Variants in UHRF2 observed in about 807,000 individuals in gnomAD.
The protein encoded by UHRF2 is E3 ubiquitin-protein ligase UHRF2.
Under a neutral mutation model 96.8 loss-of-function variants are expected in UHRF2, and 23 were observed. That is an observed-to-expected ratio of 0.24 (90% CI 0.17 to 0.34). UHRF2 has a LOEUF of 0.34. UHRF2 is among the 10% of genes least tolerant of loss of function. The probability of loss-of-function intolerance (pLI) is 1.00; values close to 1 mark genes in which losing one functional copy is unlikely to be tolerated. For missense variants in UHRF2, 685 were observed against 981.5 expected, an observed-to-expected ratio of 0.70 and a Z score of 4.04; for synonymous variants, 385 against 332.6, an observed-to-expected ratio of 1.16 and a Z score of -1.72.
At chr9:6,438,734 T>C (rs1820994591) in intron 3 of UHRF2, among the ~76,000 whole-genome samples, 1 of 152,200 alleles carries the variant, frequency 6.6e-6, no homozygotes, top group South Asian at 2.1e-4. Context: ...TTTATAGTAA[T>C]CTACGTATCT....
chr9:6,462,851 A>G (rs1410978060), intron 4 of UHRF2, among the ~76,000 whole-genome samples: 1 of 152,156 alleles, frequency 6.6e-6, no homozygotes, highest in Non-Finnish European at 1.5e-5. Context: ...CACGAGGCAG[A>G]GGTTGCAGTA....
chr9:6,488,281 A>T lies in UHRF2; in HGVS notation c.1497+1356A>T, dbSNP rs1329437598. Among the ~76,000 whole-genome samples the T allele has an allele frequency of 7.9e-4, 83 of 104,804 alleles. 4 individuals carry two copies. Among genetic ancestry groups the T allele is most frequent in the Non-Finnish European group, 1.2e-3 (65 of 56,430 alleles). 68.8% of individuals were successfully genotyped at this position (104,804 alleles called of 152,430 possible). A position where few individuals can be genotyped will look rare whatever the true frequency, so the allele number is the denominator to read the frequency against. Reference sequence around the variant, plus strand: ...AAAAAAAAAAAAAAAAAAAAAAAAAAAAAAAAAAAAAAAAAAAAAAAAAAA... The same window carrying T: ...AAAAAAAAAAAAAAAAAAAAAAAAATAAAAAAAAAAAAAAAAAAAAAAAAA... On this transcript the variant is annotated intron_variant, in intron 9 of 15. Coordinates refer to ENST00000276893, the MANE Select transcript of UHRF2 (RefSeq NM_152896.3).
intron 3 of UHRF2, among the ~76,000 whole-genome samples, chr9:6,446,747 A>T (rs900309616): frequency 7.9e-5 from 12 of 151,976 alleles, no homozygotes; most frequent in African/African-American, 2.9e-4. Flanking sequence ...TGGGAGACTG[A>T]GGCAGGAGAA....
intron 4 of UHRF2, among the ~76,000 whole-genome samples, chr9:6,473,063 G>T (rs768726301): frequency 6.6e-6 from 1 of 152,104 alleles, no homozygotes; most frequent in East Asian, 1.9e-4. Context: ...CTATGGTCTC[G>T]AAATACCTTT....
At position 6,413,653 on chromosome 9, in the gene UHRF2, G is replaced by A. The variant is rs1432079473; in HGVS notation, c.153+10G>A. ...CTACCGGGGCAAGCAGGTGAGGCGC[G>A]CCCGCCGCGCCCCTAGCGAGGCTGG... On this transcript the variant is annotated intron_variant, in intron 1 of 15. Coordinates refer to ENST00000276893, the MANE Select transcript of UHRF2 (RefSeq NM_152896.3). The A allele has an allele frequency of 5.8e-6, 9 of 1,547,834 alleles. No individual in the cohort carries two copies. The highest frequency in any genetic ancestry group is 7.8e-6 in the Non-Finnish European group (9 of 1,151,750).
At chr9:6,478,044 T>C (rs1225375431) in intron 6 of UHRF2, among the ~76,000 whole-genome samples, 1 of 152,198 alleles carries the variant, frequency 6.6e-6, no homozygotes, top group African/African-American at 2.4e-5. Flanking sequence ...TCTGTGTTCA[T>C]TCAAAAATGC....
chr9:6,485,803 C>CAA (rs57868028), intron 8 of UHRF2, among the ~76,000 whole-genome samples: 883 of 58,862 alleles, frequency 0.015, 2 homozygotes, highest in African/African-American at 0.019. Context: ...TGTCTCTACC[C>CAA]AAAAAAAAAA....
chr9:6,470,676 G>C (rs1228973859), intron 4 of UHRF2, among the ~76,000 whole-genome samples: 1 of 152,190 alleles, frequency 6.6e-6, no homozygotes, highest in Admixed American at 6.5e-5. Context: ...AGAAGATGGG[G>C]TTGGTAAATG....
At chr9:6,497,067 A>G (rs1237402214) in intron 10 of UHRF2, 131 bp from the exon 11 acceptor site, 1 of 846,520 alleles carries the variant, frequency 1.2e-6, no homozygotes, top group Non-Finnish European at 1.8e-6. Context: ...TATTATCTGG[A>G]ATAATATGGA....
intron 5 of UHRF2, 29 bp from the exon 6 acceptor site, chr9:6,477,593 T>C (rs1453472904): frequency 3.8e-6 from 6 of 1,562,306 alleles, no homozygotes; most frequent in Non-Finnish European, 5.2e-6. Flanking sequence ...GTTTTAAGAC[T>C]AGACTTGCTA....
chr9:6,502,168 T>G (rs534990045), intron 14 of UHRF2, among the ~76,000 whole-genome samples: 2 of 152,364 alleles, frequency 1.3e-5, no homozygotes, highest in East Asian at 3.9e-4. Flanking sequence ...TATATATTTA[T>G]GTCCAAACTC....
chr9:6,476,087 C>G (rs988056148), intron 5 of UHRF2, among the ~76,000 whole-genome samples: 20 of 152,160 alleles, frequency 1.3e-4, no homozygotes, highest in African/African-American at 4.3e-4. Flanking sequence ...TCCACCTGCA[C>G]AAGATCAATT....
At chr9:6,477,134 G>A (rs1423417016) in intron 5 of UHRF2, among the ~76,000 whole-genome samples, 1 of 152,070 alleles carries the variant, frequency 6.6e-6, no homozygotes, top group Non-Finnish European at 1.5e-5. Context: ...TCCGGAGGCT[G>A]AGGCAGGAGA....
At chr9:6,441,894 A>G (rs1821186000) in intron 3 of UHRF2, among the ~76,000 whole-genome samples, 1 of 152,158 alleles carries the variant, frequency 6.6e-6, no homozygotes, top group Admixed American at 6.5e-5. Flanking sequence ...TTTCATAGAA[A>G]TTAATGTCCA....
At chr9:6,461,430 C>T (rs978233010) in intron 4 of UHRF2, among the ~76,000 whole-genome samples, 11 of 140,472 alleles carry the variant, frequency 7.8e-5, no homozygotes, top group Non-Finnish European at 1.2e-4. Context: ...TGGAGTGCAG[C>T]GGCATGATCT....
intron 3 of UHRF2, among the ~76,000 whole-genome samples, chr9:6,441,921 A>C (rs780516452): frequency 1.4e-4 from 21 of 151,924 alleles, no homozygotes; most frequent in Admixed American, 1.2e-3. Flanking sequence ...ATTTATGGGG[A>C]AATTTGTCTG....
chr9:6,488,443 A>G (rs1824446031), intron 9 of UHRF2, among the ~76,000 whole-genome samples: 1 of 149,792 alleles, frequency 6.7e-6, no homozygotes, highest in African/African-American at 2.5e-5. Context: ...CACAGTTTCC[A>G]TTATTGTGTT....
Position 6,477,754 on chromosome 9 carries a change from A to T in UHRF2, c.1106A>T (p.Tyr369Phe), listed in dbSNP as rs773132991. ...CTGTGTGATGAATGTAATGTGGCTT[A>T]TCATATTTACTGTCTGAATCCACCT... ...QLLCDECNVA[Y>F]HIYCLNPPLD... is the part of the protein sequence containing the mutation. The change falls in exon 6 of 16, where the codon TAT becomes TTT. Residue 369 changes from tyrosine to phenylalanine, a missense_variant. Tyr to Phe is a conservative substitution (Grantham distance 22). Around this residue, in one of 6 missense-constraint regions of UHRF2, gnomAD observed 391 missense variants for 437.0 expected, o/e 0.89. Coordinates refer to ENST00000276893, the MANE Select transcript of UHRF2 (RefSeq NM_152896.3). 5.0e-6 allele frequency: 8 copies of T among 1,613,856 alleles called. No individual in the cohort carries two copies. The Admixed American group carries it at 1.3e-4, about 27-fold the overall frequency.
intron 3 of UHRF2, among the ~76,000 whole-genome samples, chr9:6,435,772 T>C (rs1272472549): frequency 1.3e-5 from 2 of 152,070 alleles, no homozygotes; most frequent in Non-Finnish European, 2.9e-5. Flanking sequence ...CACACCAGGC[T>C]AATTCTTCTA....
Sources: gnomAD v4.1 joint callset for allele counts (sites outside exome capture counted in the v4.1 genomes callset) on GRCh38, gnomAD v4.1.1 for gene constraint, gnomAD v4.1.1 regional missense constraint, MANE v1.5 for transcripts, NCBI Gene and HGNC (gene_info 2026-07-23, HGNC 2026-07-21) for gene names.